Variants in TMLHE observed in about 807,000 individuals in gnomAD.
The protein encoded by TMLHE is trimethyllysine hydroxylase, epsilon, also known as trimethyllysine dioxygenase, mitochondrial.
In TMLHE, 18 loss-of-function variants were observed where a neutral mutation model predicts 25.7. The ratio of observed to expected loss-of-function variants is 0.70; its 90% CI spans 0.48 to 1.04. The LOEUF is 1.04. Ranked by LOEUF, TMLHE falls within the 50% of genes least tolerant of loss-of-function variation. The pLI, the probability that TMLHE is intolerant of heterozygous loss-of-function variation, is 0.00. For missense variants in TMLHE, 236 were observed against 259.0 expected (o/e 0.91, Z 0.61); for synonymous variants, 105 against 97.0 (o/e 1.08, Z -0.49).
intron 1 of TMLHE, among the ~76,000 whole-genome samples, chrX:155,557,141 A>G (rs1412445463): frequency 1.8e-5 from 2 of 111,979 alleles, no homozygotes; most frequent in African/African-American, 6.5e-5. Context: ...GAGACGATAT[A>G]CATCCTTCTC....
intron 1 of TMLHE, among the ~76,000 whole-genome samples, chrX:155,592,578 A>G: frequency 8.9e-6 from 1 of 112,127 alleles, no homozygotes; most frequent in East Asian, 2.8e-4. Flanking sequence ...CAGTGGGAAA[A>G]GAGAACCAGA....
intron 3 of TMLHE, among the ~76,000 whole-genome samples, chrX:155,522,008 C>T (rs947335754): frequency 3.6e-5 from 4 of 110,268 alleles, no homozygotes; most frequent in African/African-American, 1.3e-4. Context: ...GGGAGCTGTA[C>T]ACCGGAGCTG....
At chrX:155,587,331 ACT>A (rs1569562237) in intron 1 of TMLHE, among the ~76,000 whole-genome samples, 2 of 111,761 alleles carry the variant, frequency 1.8e-5, no homozygotes, top group Non-Finnish European at 3.8e-5. Flanking sequence ...CATGATAAAA[ACT>A]CTCAACAAAC....
intron 1 of TMLHE, among the ~76,000 whole-genome samples, chrX:155,548,363 T>G (rs1557339200): frequency 1.8e-5 from 2 of 112,200 alleles, no homozygotes; most frequent in Non-Finnish European, 3.8e-5. Context: ...AAGGGATTAA[T>G]AATCAAGCAA....
intron 2 of TMLHE, among the ~76,000 whole-genome samples, chrX:155,532,862 T>C (rs1237556913): frequency 1.8e-5 from 2 of 111,187 alleles, no homozygotes; most frequent in Non-Finnish European, 3.8e-5. Flanking sequence ...GGGTCAAATA[T>C]AGTATGTGAC....
intron 1 of TMLHE, among the ~76,000 whole-genome samples, chrX:155,546,130 A>C (rs2067343227): frequency 9.0e-6 from 1 of 110,812 alleles, no homozygotes; most frequent in Non-Finnish European, 1.9e-5. Flanking sequence ...GGTTGATAAT[A>C]GTATTTATCT....
intron 1 of TMLHE, among the ~76,000 whole-genome samples, chrX:155,588,904 T>C (rs10126672): frequency 8.1e-5 from 9 of 111,748 alleles, no homozygotes; most frequent in Non-Finnish European, 1.5e-4. Flanking sequence ...AGCACAACTA[T>C]GGAAACAGTA....
At position 155,511,719 on chromosome X, in the gene TMLHE, C is replaced by G. The variant is rs2067114516; in HGVS notation, c.712G>C (p.Ala238Pro). The change falls in exon 5 of 8, where the codon GCT (alanine) becomes CCT (proline). Residue 238 changes from alanine to proline, a missense_variant. Transcript: ENST00000334398. ...SRGDTAYTKL[A>P]LDRHTDTTYF... ...GTAGTGTCAGTGTGCCGATCCAGAG[C>G]TAGCTTGGTGTACGCAGTGTCACCT... 6.6e-6 allele frequency: 8 copies of G among 1,204,273 alleles called. No homozygotes were observed. Among genetic ancestry groups the G allele is most frequent in the Non-Finnish European group, 7.9e-6 (7 of 890,484 alleles).
At chrX:155,506,379 G>T (rs148503251) in intron 6 of TMLHE, among the ~76,000 whole-genome samples, 1,307 of 111,554 alleles carry the variant, frequency 0.012, 20 homozygotes, top group African/African-American at 0.04. Flanking sequence ...TTGGTTTATG[G>T]CTTGGGAAAC....
intron 1 of TMLHE, among the ~76,000 whole-genome samples, chrX:155,549,373 T>C (rs1181708531): frequency 3.6e-5 from 4 of 110,547 alleles, no homozygotes; most frequent in Non-Finnish European, 7.5e-5. Context: ...TTATTGTTAT[T>C]AATGGCCTTT....
intron 2 of TMLHE, among the ~76,000 whole-genome samples, chrX:155,538,812 C>T (rs781842410): frequency 9.0e-6 from 1 of 111,617 alleles, no homozygotes; most frequent in South Asian, 3.8e-4. Flanking sequence ...TGAAGCAGTT[C>T]TATTCCTCTC....
chrX:155,572,315 A>C lies in TMLHE; in HGVS notation c.-1-27038T>G, dbSNP rs1245943831. Among the ~76,000 whole-genome samples, 3 of 55,649 alleles carry C rather than the reference A, an allele frequency of 5.4e-5. 1 individual carries two copies. The highest frequency in any genetic ancestry group is 1.4e-4 in the Non-Finnish European group (3 of 21,630). The allele number at this position is 55,649 out of a possible 115,157, so 48.3% of individuals were successfully genotyped here. A position where few individuals can be genotyped will look rare whatever the true frequency, so the allele number is the denominator to read the frequency against. ...ACCTCTTCAAGGAGAACTACAAACCACTGCTCAATGAAATAAAACAGGATA... is the reference window on the plus strand; with the variant it reads ...ACCTCTTCAAGGAGAACTACAAACCCCTGCTCAATGAAATAAAACAGGATA... On this transcript the variant is annotated intron_variant, in intron 1 of 7. Coordinates refer to ENST00000334398, the MANE Select transcript of TMLHE (RefSeq NM_018196.4).
At chrX:155,557,893 G>A (rs1269209271) in intron 1 of TMLHE, among the ~76,000 whole-genome samples, 7 of 111,206 alleles carry the variant, frequency 6.3e-5, no homozygotes, top group South Asian at 3.7e-4. Flanking sequence ...TTCACCCACC[G>A]TAGTGTATCT....
intron 2 of TMLHE, among the ~76,000 whole-genome samples, chrX:155,542,853 C>G (rs1274514046): frequency 9.0e-6 from 1 of 110,806 alleles, no homozygotes; most frequent in Non-Finnish European, 1.9e-5. Flanking sequence ...AGGCTGCCTT[C>G]AAGAATATCT....
chrX:155,578,862 C>T (rs984528660), intron 1 of TMLHE, among the ~76,000 whole-genome samples: 3 of 111,416 alleles, frequency 2.7e-5, no homozygotes, highest in African/African-American at 9.8e-5. Context: ...AAACTTTGCC[C>T]TAGAAAACCC....
At position 155,562,586 on chromosome X, in the gene TMLHE, T is replaced by C. The variant is rs1307992265; in HGVS notation, c.-1-17309A>G. ...GGGTTTTTTGGTTTTTTCCTTTCTA[T>C]CATATATTCAGGCTGCAAATTTGCC... On this transcript the variant is annotated intron_variant, in intron 1 of 7. Coordinates refer to ENST00000334398, the MANE Select transcript of TMLHE (RefSeq NM_018196.4). Among the ~76,000 whole-genome samples, 8 of 61,981 alleles carry C rather than the reference T, an allele frequency of 1.3e-4. 3 individuals carry two copies. The highest frequency in any genetic ancestry group is 1.1e-3 in the Admixed American group (6 of 5,320). The allele number at this position is 61,981 out of a possible 115,157, so 53.8% of individuals were successfully genotyped here. A position where few individuals can be genotyped will look rare whatever the true frequency, so the allele number is the denominator to read the frequency against.
At chrX:155,512,174 A>T (rs189045753) in intron 4 of TMLHE, among the ~76,000 whole-genome samples, 91 of 110,461 alleles carry the variant, frequency 8.2e-4, no homozygotes, top group Non-Finnish European at 1.4e-3. Context: ...TATTTTATTA[A>T]TTATTATTAT....
At chrX:155,511,924 A>C in intron 4 of TMLHE, 132 bp from the exon 5 acceptor site, 4 of 644,421 alleles carry the variant, frequency 6.2e-6, no homozygotes, top group Non-Finnish European at 8.9e-6. Flanking sequence ...AATTTAATCC[A>C]TAAGGTGAAA....
chrX:155,596,982 C>A (rs1189628132), intron 1 of TMLHE, among the ~76,000 whole-genome samples: 1 of 106,689 alleles, frequency 9.4e-6, no homozygotes, highest in African/African-American at 3.4e-5. Flanking sequence ...CACCCATTAA[C>A]TCGTCATTTA....
Sources: gnomAD v4.1 joint callset for allele counts (sites outside exome capture counted in the v4.1 genomes callset) on GRCh38, gnomAD v4.1.1 for gene constraint, MANE v1.5 for transcripts, NCBI Gene and HGNC (gene_info 2026-07-23, HGNC 2026-07-21) for gene names.